The following OR2L13 variants were observed in gnomAD, a reference collection of about 807,000 sequenced individuals.
The protein encoded by OR2L13 is olfactory receptor family 2 subfamily L member 13.
In OR2L13, 14 loss-of-function variants were observed where a neutral mutation model predicts 15.3. The ratio of observed to expected loss-of-function variants is 0.91; its 90% CI spans 0.60 to 1.43. OR2L13 has a LOEUF of 1.43. Among genes scored for constraint, OR2L13 ranks in the 40% most tolerant of loss-of-function variants. OR2L13 has a pLI of 0.00. For synonymous variants in OR2L13, 152 were observed against 142.9 expected (o/e 1.06, Z -0.45); for missense variants, 367 against 387.9 (o/e 0.95, Z 0.45).
upstream of OR2L13, among the ~76,000 whole-genome samples, chr1:248,091,680 T>C (rs1303532550): frequency 6.6e-6 from 1 of 152,210 alleles, no homozygotes; most frequent in Non-Finnish European, 1.5e-5. Context: ...TTTTGATTAT[T>C]GTAGCCTTGT....
the OR2L13 span, among the ~76,000 whole-genome samples, chr1:247,958,184 T>G: frequency 3.9e-5 from 6 of 152,196 alleles, no homozygotes; most frequent in Non-Finnish European, 8.8e-5. Context: ...TATTCCTGCC[T>G]TCATTTCGTT....
At chr1:248,068,217 C>A in the OR2L13 span, among the ~76,000 whole-genome samples, 15 of 152,152 alleles carry the variant, frequency 9.9e-5, no homozygotes, top group African/African-American at 3.4e-4. Context: ...TGACCCCTGA[C>A]CCCTGAGCAG....
At chr1:248,005,215 G>A in the OR2L13 span, among the ~76,000 whole-genome samples, 1 of 151,966 alleles carries the variant, frequency 6.6e-6, no homozygotes, top group South Asian at 2.1e-4. Flanking sequence ...AAGAAATAAT[G>A]CATATTTCAG....
chr1:248,082,761 G>A, the OR2L13 span, among the ~76,000 whole-genome samples: 2 of 152,226 alleles, frequency 1.3e-5, no homozygotes, highest in East Asian at 3.9e-4. Context: ...CTATGCCTTG[G>A]CAGAAGTAAG....
At chr1:248,067,990 G>A in the OR2L13 span, among the ~76,000 whole-genome samples, 59 of 152,350 alleles carry the variant, frequency 3.9e-4, no homozygotes, top group Middle Eastern at 6.8e-3. Context: ...CAAAGCAGGC[G>A]GGAAGCTCGA....
At chr1:248,001,562 TA>T in the OR2L13 span, among the ~76,000 whole-genome samples, 15,542 of 151,404 alleles carry the variant, frequency 0.1, 2,478 homozygotes, top group African/African-American at 0.35. Context: ...TTTCTGTAAA[TA>T]AAAAAAATAA....
exon 3 of OR2L13, chr1:248,100,416 C>A (rs571009464): frequency 2.5e-4 from 130 of 530,344 alleles, no homozygotes; most frequent in Middle Eastern, 8.3e-4. Flanking sequence ...TTAAAATTTT[C>A]TAATAGGTAC....
the OR2L13 span, chr1:247,965,210 A>G: frequency 1.3e-6 from 1 of 790,280 alleles, no homozygotes; most frequent in Non-Finnish European, 1.9e-6. Context: ...TGTGTTTGCC[A>G]TTTTGTACCA....
At chr1:247,967,094 A>G in the OR2L13 span, among the ~76,000 whole-genome samples, 1 of 146,822 alleles carries the variant, frequency 6.8e-6, no homozygotes, top group Non-Finnish European at 1.5e-5. Flanking sequence ...CCACCCAGGC[A>G]CTTCTGACAA....
the OR2L13 span, among the ~76,000 whole-genome samples, chr1:248,057,859 A>G: frequency 6.6e-6 from 1 of 152,164 alleles, no homozygotes; most frequent in African/African-American, 2.4e-5. Flanking sequence ...AATTTTGCTA[A>G]TTTTATTTAT....
the OR2L13 span, among the ~76,000 whole-genome samples, chr1:248,072,974 C>T: frequency 2.6e-3 from 379 of 148,366 alleles, no homozygotes; most frequent in African/African-American, 8.3e-3. Context: ...AGTCAGGAAA[C>T]GACAGGTGCT....
the OR2L13 span, chr1:247,966,216 T>C: frequency 1.2e-6 from 2 of 1,613,746 alleles, no homozygotes; most frequent in Non-Finnish European, 1.7e-6. Context: ...TTTACACCAT[T>C]GTCACACCTC....
the OR2L13 span, among the ~76,000 whole-genome samples, chr1:247,995,575 AAC>A: frequency 6.6e-6 from 1 of 152,244 alleles, no homozygotes; most frequent in Non-Finnish European, 1.5e-5. Context: ...TTAGTGGAAT[AAC>A]AAAATATTTT....
At chr1:248,036,399 T>C in the OR2L13 span, among the ~76,000 whole-genome samples, 1 of 152,242 alleles carries the variant, frequency 6.6e-6, no homozygotes, top group African/African-American at 2.4e-5. Context: ...GTGGATTTTA[T>C]AACATATCAT....
At chr1:248,057,316 C>A in the OR2L13 span, among the ~76,000 whole-genome samples, 1 of 152,230 alleles carries the variant, frequency 6.6e-6, no homozygotes. Flanking sequence ...AATCTGGATG[C>A]TCCTGTATTG....
the OR2L13 span, among the ~76,000 whole-genome samples, chr1:247,961,055 C>T: frequency 6.6e-6 from 1 of 152,188 alleles, no homozygotes; most frequent in African/African-American, 2.4e-5. Context: ...TAGACTAGAG[C>T]TGTTCCTATT....
the OR2L13 span, among the ~76,000 whole-genome samples, chr1:247,994,661 G>C: frequency 1.3e-5 from 2 of 152,090 alleles, no homozygotes; most frequent in Non-Finnish European, 2.9e-5. Flanking sequence ...AGTTATGTAG[G>C]ATGAGTAAGT....
the OR2L13 span, among the ~76,000 whole-genome samples, chr1:247,986,851 C>T: frequency 1.1e-4 from 16 of 152,010 alleles, no homozygotes; most frequent in East Asian, 5.8e-4. Flanking sequence ...TGTATTCCTA[C>T]GTATTTTATT....
chr1:248,056,995 C>T, the OR2L13 span, among the ~76,000 whole-genome samples: 1 of 152,064 alleles, frequency 6.6e-6, no homozygotes, highest in Non-Finnish European at 1.5e-5. Flanking sequence ...GTGCTGTGGT[C>T]TGAGAGACTG....
Sources: gnomAD v4.1 joint callset for allele counts (sites outside exome capture counted in the v4.1 genomes callset) on GRCh38, gnomAD v4.1.1 for gene constraint, MANE v1.5 for transcripts, NCBI Gene and HGNC (gene_info 2026-07-23, HGNC 2026-07-21) for gene names.